ANKRD11: variants seen among roughly 807,000 people sequenced by gnomAD.
ANKRD11 encodes ankyrin repeat domain 11.
Under a neutral mutation model 195.7 loss-of-function variants are expected in ANKRD11, and 17 were observed. The observed-to-expected ratio is 0.09, with a 90% CI of 0.06 to 0.13. The LOEUF (loss-of-function observed/expected upper bound fraction) is 0.13. ANKRD11 is among the 10% of genes least tolerant of loss of function. ANKRD11 has a pLI of 1.00. For synonymous variants in ANKRD11, 1,953 were observed against 1,528.1 expected (o/e 1.28, Z -6.49); for missense variants, 3,735 against 3,566.1 (o/e 1.05, Z -1.21).
In ANKRD11 at chr16:89,440,597, C is replaced by T. The variant is rs62068643; in HGVS notation, c.-144-22229G>A. 3.6e-3 allele frequency among the ~76,000 whole-genome samples: 550 copies of T among 151,930 alleles called. 1 individual carries two copies. Among genetic ancestry groups the T allele is most frequent in the Non-Finnish European group, 6.1e-3 (412 of 67,980 alleles). ...CCAATGCACTCCAACCTGGATGACA[C>T]GACAAAACTCTGTCTCAAAAGGAGG... On this transcript the variant is annotated intron_variant, in intron 1 of 12. Transcript: ENST00000301030.
In ANKRD11 at chr16:89,300,371, A is replaced by G. The variant is rs1435855515; in HGVS notation, c.226+4835T>C. The stretch of plus-strand genomic sequence containing the variant: ...CTCGTCAACACACTGAGCTGAGGCC[A>G]CTGGTCCACGGCACACTGCAGTGCA... On this transcript the variant is annotated intron_variant, in intron 4 of 12. Transcript: ENST00000301030. 3 of 198,794 alleles carry G rather than the reference A, an allele frequency of 1.5e-5. No homozygotes were observed. In the Admixed American group the frequency reaches 1.8e-4, roughly 12 times the overall value. The allele number at this position is 198,794 out of a possible 1,614,324, so 12.3% of individuals were successfully genotyped here. A position where few individuals can be genotyped will look rare whatever the true frequency, so the allele number is the denominator to read the frequency against.
intron 2 of ANKRD11, among the ~76,000 whole-genome samples, chr16:89,355,341 C>T (rs952401719): frequency 2.6e-5 from 4 of 152,162 alleles, no homozygotes; most frequent in African/African-American, 9.7e-5. Context: ...CAAAGAGGAA[C>T]GTGCAGGACT....
chr16:89,355,715 T>A (rs78194859), intron 2 of ANKRD11, among the ~76,000 whole-genome samples: 1 of 152,210 alleles, frequency 6.6e-6, no homozygotes, highest in South Asian at 2.1e-4. Context: ...TTGAACTTCA[T>A]CTTGTTATGA....
At chr16:89,474,221 C>T (rs1042286480) in intron 1 of ANKRD11, among the ~76,000 whole-genome samples, 1 of 152,178 alleles carries the variant, frequency 6.6e-6, no homozygotes. Context: ...CCGGATGAAA[C>T]CCTGAGCAGA....
At chr16:89,420,915 G>A (rs1029486728) in intron 1 of ANKRD11, among the ~76,000 whole-genome samples, 3 of 152,204 alleles carry the variant, frequency 2.0e-5, no homozygotes, top group African/African-American at 4.8e-5. Context: ...CCACCACCAC[G>A]ACTATAAACA....
chr16:89,318,016 G>A (rs753622812), intron 2 of ANKRD11, among the ~76,000 whole-genome samples: 1 of 152,116 alleles, frequency 6.6e-6, no homozygotes, highest in Non-Finnish European at 1.5e-5. Context: ...AGCCACTCCC[G>A]AACTATTTGC....
Position 89,282,710 on chromosome 16 carries a change from T to C in ANKRD11, c.3832A>G (p.Lys1278Glu), listed in dbSNP as rs543173285. The C allele has an allele frequency of 3.1e-5, 50 of 1,614,056 alleles. No homozygotes were observed. The highest frequency in any genetic ancestry group is 4.2e-5 in the Non-Finnish European group (49 of 1,180,054). ...TCTTCCAACTTTTCAAGCAGGCTTT[T>C]TTCCGCGTCGGCACTTCTCGAGGAC... ...RKSSRSADAE[K>E]SLLEKLEEEA... The change falls in exon 9 of 13, where the codon AAA becomes GAA. Residue 1278 changes from lysine (K) to glutamate (E), a missense_variant. Transcript: ENST00000301030.
chr16:89,283,899 C>T lies in ANKRD11; in HGVS notation c.2643G>A (p.Val881=), dbSNP rs776122315. 2.5e-6 allele frequency: 4 copies of T among 1,614,084 alleles called. No homozygotes were observed. Among genetic ancestry groups the T allele is most frequent in the Admixed American group, 3.3e-5 (2 of 60,008 alleles). Residue 881 remains valine, a synonymous_variant, in exon 9 of 13, where the codon GTG becomes GTA. Coordinates refer to ENST00000301030, the MANE Select transcript of ANKRD11 (RefSeq NM_013275.6). This position sits in a 1 kb window ranked among gnomAD's most constrained non-coding sequence, Gnocchi z 4.3. Reference sequence around the variant, plus strand: ...GCCTCCTCTCCTTGCTGTCCTCCTTCACCGTCTCCAAGATGAGCTTGGCCA... The same window carrying T: ...GCCTCCTCTCCTTGCTGTCCTCCTTTACCGTCTCCAAGATGAGCTTGGCCA... ...DSVAKLILET[V]KEDSKERRRD...
rs780156071 is a variant in ANKRD11 at position 89,438,560 on chromosome 16, T to C, written c.-144-20192A>G. Among the ~76,000 whole-genome samples the C allele has an allele frequency of 2.4e-3, 358 of 152,246 alleles. 4 individuals are homozygous for C. Among genetic ancestry groups the C allele is most frequent in the Non-Finnish European group, 2.5e-3 (170 of 68,012 alleles). The stretch of plus-strand genomic sequence containing the variant: ...TTGGGCCAGGCTGGTCTTGAACTTA[T>C]GACTTCAGGTGATCCACCCACCTGG... On this transcript the variant is annotated intron_variant, in intron 1 of 12. Transcript: ENST00000301030.
chr16:89,293,646 G>A (rs533562886), intron 4 of ANKRD11, among the ~76,000 whole-genome samples: 14 of 137,488 alleles, frequency 1.0e-4, no homozygotes, highest in Admixed American at 4.3e-4. Context: ...GCGGAGGGGA[G>A]GAGGCGGGGT....
chr16:89,300,979 G>T, intron 4 of ANKRD11: 2 of 659,328 alleles, frequency 3.0e-6, no homozygotes, highest in Non-Finnish European at 5.5e-6. Flanking sequence ...AGGGAGAAGC[G>T]AGACTCAGGG....
rs141699430 is a variant in ANKRD11, at chr16:89,355,838, G to A, written c.-59-38760C>T. Among the ~76,000 whole-genome samples, 1,128 of 152,274 alleles carry A rather than the reference G, an allele frequency of 7.4e-3. 21 individuals are homozygous for A. Among genetic ancestry groups the A allele is most frequent in the African/African-American group, 0.026 (1,072 of 41,546 alleles). The stretch of plus-strand genomic sequence containing the variant: ...GCAAGGGTCTGTGGCTCTCCTGTGC[G>A]CAGCCCAATGGAAAGGCAGAGTGAC... On this transcript the variant is annotated intron_variant, in intron 2 of 12. Coordinates refer to ENST00000301030, the MANE Select transcript of ANKRD11 (RefSeq NM_013275.6).
At chr16:89,403,204 T>C (rs2041772687) in intron 2 of ANKRD11, among the ~76,000 whole-genome samples, 1 of 152,174 alleles carries the variant, frequency 6.6e-6, no homozygotes, top group South Asian at 2.1e-4. Context: ...TAGGGCCTGA[T>C]CCGCTCCCTC....
intron 7 of ANKRD11, chr16:89,286,463 T>A: frequency 5.2e-6 from 3 of 578,964 alleles, no homozygotes; most frequent in Non-Finnish European, 8.6e-6. Context: ...CTCCTTTGGA[T>A]TTTTTTCCAC....
At chr16:89,318,792 G>C (rs545471410) in intron 2 of ANKRD11, among the ~76,000 whole-genome samples, 5 of 152,338 alleles carry the variant, frequency 3.3e-5, no homozygotes, top group East Asian at 1.9e-4. Context: ...AGTTATTCTG[G>C]AGAGAGGGAC....
chr16:89,477,365 T>C (rs1304929604), intron 1 of ANKRD11, among the ~76,000 whole-genome samples: 1 of 151,932 alleles, frequency 6.6e-6, no homozygotes, highest in African/African-American at 2.4e-5. Flanking sequence ...ATTTCTTTTT[T>C]TTCTCTCTGA....
chr16:89,331,394 T>C (rs1479457687), intron 2 of ANKRD11, among the ~76,000 whole-genome samples: 4 of 152,182 alleles, frequency 2.6e-5, no homozygotes, highest in Admixed American at 2.6e-4. Flanking sequence ...AAGACCCCGA[T>C]CTCTGACAAA....
chr16:89,416,176 C>A (rs2042304505), intron 2 of ANKRD11, among the ~76,000 whole-genome samples: 1 of 152,162 alleles, frequency 6.6e-6, no homozygotes, highest in South Asian at 2.1e-4. Flanking sequence ...ACCTAAGTAT[C>A]AGTACATCTA....
intron 3 of ANKRD11, among the ~76,000 whole-genome samples, chr16:89,315,107 C>T (rs1409078461): frequency 6.6e-6 from 1 of 152,210 alleles, no homozygotes; most frequent in African/African-American, 2.4e-5. Context: ...TCCACACTCT[C>T]GGGGTGAAAC....
Sources: allele counts gnomAD v4.1 joint callset (sites outside exome capture counted in the v4.1 genomes callset), GRCh38; gene constraint gnomAD v4.1.1; non-coding constraint Gnocchi (gnomAD v3.1); transcripts MANE v1.5; gene names NCBI Gene and HGNC (gene_info 2026-07-23, HGNC 2026-07-21).